MEFV: variants seen among roughly 807,000 people sequenced by gnomAD.
MEFV encodes the protein pyrin.
Under a neutral mutation model 62.5 loss-of-function variants are expected in MEFV, and 60 were observed. That is an observed-to-expected ratio of 0.96 (90% CI 0.78 to 1.19). The LOEUF is 1.19. Ranked by LOEUF, MEFV falls within the 50% of genes most tolerant of loss-of-function variation. The probability of loss-of-function intolerance (pLI) is 0.00; values close to 1 mark genes in which losing one functional copy is unlikely to be tolerated. For missense variants in MEFV, 1,169 were observed against 1,004.5 expected (o/e 1.16, Z -2.21); for synonymous variants, 500 against 415.2 (o/e 1.20, Z -2.48).
At chr16:3,250,714 C>G (rs1421121455) in intron 2 of MEFV, among the ~76,000 whole-genome samples, 2 of 151,052 alleles carry the variant, frequency 1.3e-5, no homozygotes, top group Non-Finnish European at 2.9e-5. Flanking sequence ...GCAGACATGC[C>G]ACGAGATACA....
In MEFV at chr16:3,254,260, T is replaced by C. The variant is rs753623518; in HGVS notation, c.808A>G (p.Asn270Asp). 2 of 1,614,274 alleles carry C rather than the reference T, an allele frequency of 1.2e-6. No individual in the cohort carries two copies. The highest frequency in any genetic ancestry group is 1.7e-6 in the Non-Finnish European group (2 of 1,180,052). ...LLTLEEKTAA[N>D]LDSATEPRAR... Reference sequence around the variant, plus strand: ...CGGGGTTCTGTTGCCGAGTCCAGATTCGCAGCTGTCTTTTCCTCTAGAGTC... The same window carrying C: ...CGGGGTTCTGTTGCCGAGTCCAGATCCGCAGCTGTCTTTTCCTCTAGAGTC... Residue 270 changes from asparagine (N) to aspartate (D), a missense_variant, in exon 2 of 10, where the codon AAT (asparagine) becomes GAT (aspartate). Asn to Asp is a conservative substitution (Grantham distance 23). Coordinates refer to ENST00000219596, the MANE Select transcript of MEFV (RefSeq NM_000243.3).
rs776889228 is a variant in MEFV, at chr16:3,249,618, G to C, written c.1073C>G (p.Ser358Cys). The C allele has an allele frequency of 6.2e-7, 1 of 1,614,016 alleles. No homozygotes were observed. The highest frequency in any genetic ancestry group is 8.5e-7 in the Non-Finnish European group (1 of 1,180,004). Reference sequence around the variant, plus strand: ...GCTTCCCGGGCTCTTCCTTTCATGGGAGTCCTGGCACCGGGGGCAGCCAGG... The same window carrying C: ...GCTTCCCGGGCTCTTCCTTTCATGGCAGTCCTGGCACCGGGGGCAGCCAGG... ...RSPGCPRCQD[S>C]HERKSPGSLS... The change falls in exon 3 of 10, where the codon TCC (serine) becomes TGC (cysteine). Residue 358 changes from serine to cysteine, a missense_variant. Coordinates refer to ENST00000219596, the MANE Select transcript of MEFV (RefSeq NM_000243.3).
intron 2 of MEFV, among the ~76,000 whole-genome samples, chr16:3,251,327 C>G (rs767856761): frequency 2.0e-5 from 3 of 152,178 alleles, no homozygotes; most frequent in Non-Finnish European, 4.4e-5. Context: ...CAAGCAGCTT[C>G]TAGAAACTTC....
intron 7 of MEFV, 87 bp downstream of exon 7, chr16:3,244,386 A>G: frequency 1.3e-6 from 2 of 1,598,438 alleles, no homozygotes; most frequent in Non-Finnish European, 1.7e-6. Context: ...GACCAGGGGA[A>G]GAGGAGGGAA....
In MEFV at chr16:3,243,535, C is replaced by T; in HGVS notation, c.1952G>A (p.Gly651Asp). 1 of 1,613,712 alleles carries T rather than the reference C, an allele frequency of 6.2e-7. No individual in the cohort carries two copies. The highest frequency in any genetic ancestry group is 1.1e-5 in the South Asian group (1 of 91,068). ...AACCTCCACCTCCCAGTAACGGCGG[C>T]CAGAGAGGAAACTCGGAGAGCCCAG... ...IVLGSPSFLS[G>D]RRYWEVEVGD... Residue 651 changes from glycine to aspartate, a missense_variant, in exon 10 of 10, where the codon GGC (glycine) becomes GAC (aspartate). Gly to Asp is a moderately conservative substitution (Grantham distance 94, BLOSUM62 -1). Coordinates refer to ENST00000219596, the MANE Select transcript of MEFV (RefSeq NM_000243.3).
In MEFV at chr16:3,249,720, T is replaced by C. The variant is rs753216235; in HGVS notation, c.971A>G (p.Asp324Gly). 1.2e-6 allele frequency: 2 copies of C among 1,614,030 alleles called. No homozygotes were observed. The highest frequency in any genetic ancestry group is 2.2e-5 in the South Asian group (2 of 91,070). Residue 324 changes from aspartate to glycine, a missense_variant, in exon 3 of 10, where the codon GAC (aspartate) becomes GGC (glycine). By Grantham distance (94) the Asp-to-Gly change is moderately conservative. Coordinates refer to ENST00000219596, the MANE Select transcript of MEFV (RefSeq NM_000243.3). ...RCHAQEGDPV[D>G]GTCVRDSCSF... ...GCAGGAATCACGCACACAGGTACCG[T>C]CAACTGGGTCTCCTTCCTGGGCGTG...
intron 6 of MEFV, among the ~76,000 whole-genome samples, chr16:3,245,706 C>G (rs144543475): frequency 2.2e-4 from 34 of 152,066 alleles, no homozygotes; most frequent in Admixed American, 8.5e-4. Flanking sequence ...GAAACTGGAG[C>G]CCCTGTGTGC....
Position 3,242,240 on chromosome 16 carries a change from T to C in MEFV, c.*901A>G, listed in dbSNP as rs1958864089. On this transcript the variant is annotated 3_prime_UTR_variant, in exon 10 of 10. Transcript: ENST00000219596. ...TTAGCCGGGCATGGTGGCGGGCGCC[T>C]GTAATCCCAGCTACTTCGGAGGCTG... The C allele has an allele frequency of 9.1e-6, 2 of 218,862 alleles. No homozygotes were observed. Among genetic ancestry groups the C allele is most frequent in the South Asian group, 3.9e-5 (1 of 25,552 alleles). 13.6% of individuals were successfully genotyped at this position (218,862 alleles called of 1,614,324 possible).
At position 3,243,126 on chromosome 16, in the gene MEFV, T is replaced by C; in HGVS notation, c.*15A>G. On this transcript the variant is annotated 3_prime_UTR_variant, in exon 10 of 10. Transcript: ENST00000219596. The stretch of plus-strand genomic sequence containing the variant: ...ACAAGGCCAGAAGCAGGAAGAGAGA[T>C]GCAGTGTTGGGCATTCAGTCAGGCC... The C allele has an allele frequency of 1.2e-6, 2 of 1,612,158 alleles. No individual in the cohort carries two copies. The highest frequency in any genetic ancestry group is 2.2e-5 in the East Asian group (1 of 44,882).
At chr16:3,249,839 G>A in intron 2 of MEFV, 59 bp from the exon 3 acceptor site, 2 of 1,379,538 alleles carry the variant, frequency 1.4e-6, no homozygotes, top group South Asian at 2.4e-5. Flanking sequence ...TTACACAGAG[G>A]TATCACAAAG....
At chr16:3,255,414 A>G (rs1024039403) in intron 1 of MEFV, among the ~76,000 whole-genome samples, 3 of 151,592 alleles carry the variant, frequency 2.0e-5, no homozygotes, top group African/African-American at 7.3e-5. Flanking sequence ...TCTCTCTCTT[A>G]TTTTATTTTT....
At position 3,250,005 on chromosome 16, in the gene MEFV, G is replaced by A. The variant is rs369908929; in HGVS notation, c.911-225C>T. ...CAGACCTCAGACATTCCTGAGCCTT[G>A]GAATTCTTGGGCATTTATCCTAAAG... On this transcript the variant is annotated intron_variant, in intron 2 of 9. Transcript: ENST00000219596. Among the ~76,000 whole-genome samples the A allele has an allele frequency of 5.9e-5, 9 of 152,338 alleles. No homozygotes were observed. In the East Asian group the frequency reaches 7.7e-4, roughly 13 times the overall value.
intron 6 of MEFV, 166 bp downstream of exon 6, chr16:3,246,359 C>G (rs1209071815): frequency 1.3e-6 from 1 of 747,564 alleles, no homozygotes; most frequent in Admixed American, 2.3e-5. Flanking sequence ...ATGCCCTTCT[C>G]CCTATCAAAT....
chr16:3,246,980 A>T, intron 5 of MEFV, 36 bp downstream of exon 5: 1 of 1,594,698 alleles, frequency 6.3e-7, no homozygotes, highest in Non-Finnish European at 8.6e-7. Context: ...TGATAGGCAC[A>T]GGGGACCCAA....
intron 6 of MEFV, among the ~76,000 whole-genome samples, chr16:3,245,784 A>G (rs1305589471): frequency 6.6e-6 from 1 of 152,194 alleles, no homozygotes; most frequent in Admixed American, 6.5e-5. Context: ...AAAAAAAATT[A>G]AACACAGGAT....
At position 3,243,543 on chromosome 16, in the gene MEFV, G is replaced by A. The variant is rs781411214; in HGVS notation, c.1944C>T (p.Phe648=). 8 of 1,613,652 alleles carry A rather than the reference G, an allele frequency of 5.0e-6. No homozygotes were observed. The Admixed American group carries it at 1.3e-4, about 27-fold the overall frequency. The change falls in exon 10 of 10, where the codon TTC becomes TTT. Residue 648 remains phenylalanine, a synonymous_variant. Coordinates refer to ENST00000219596, the MANE Select transcript of MEFV (RefSeq NM_000243.3). ...CCTCCCAGTAACGGCGGCCAGAGAG[G>A]AAACTCGGAGAGCCCAGAACAATGA... is the stretch of plus-strand genomic sequence containing the variant. ...SCIIVLGSPS[F]LSGRRYWEVE... is the part of the protein sequence containing the mutation.
Position 3,254,438 on chromosome 16 carries a change from C to G in MEFV, c.630G>C (p.Ala210=), listed in dbSNP as rs770830323. Residue 210 remains alanine (A), a synonymous_variant, in exon 2 of 10, where the codon GCG becomes GCC. Coordinates refer to ENST00000219596, the MANE Select transcript of MEFV (RefSeq NM_000243.3). ...CCCCCGCCAGCCCCTGCAGCCTCCC[C>G]GCGGAGCTGGCGTTTCTGCGCAGCC... ...EVRLRRNASS[A]GRLQGLAGGA... is the part of the protein sequence containing the mutation. 7 of 1,610,900 alleles carry G rather than the reference C, an allele frequency of 4.3e-6. No homozygotes were observed. The highest frequency in any genetic ancestry group is 5.9e-6 in the Non-Finnish European group (7 of 1,178,656).
intron 8 of MEFV, 147 bp from the exon 9 acceptor site, chr16:3,244,039 G>C: frequency 6.4e-7 from 1 of 1,552,612 alleles, no homozygotes; most frequent in South Asian, 1.2e-5. Flanking sequence ...GTTCCTCCCA[G>C]GAACCCAGGC....
rs920061805 is a variant in MEFV, at chr16:3,243,689, C to T, written c.1798G>A (p.Val600Met). The change falls in exon 10 of 10, where the codon GTG (valine) becomes ATG (methionine). Residue 600 changes from valine to methionine, a missense_variant. By Grantham distance (21) the Val-to-Met change is conservative (BLOSUM62 1). Coordinates refer to ENST00000219596, the MANE Select transcript of MEFV (RefSeq NM_000243.3). ...LIGAQAHAVN[V>M]ILDAETAYPN... Reference sequence around the variant, plus strand: ...TAAGCGGTTTCTGCATCCAGAATCACATTAACTGCAAAGAAAATTTGAATA... The same window carrying T: ...TAAGCGGTTTCTGCATCCAGAATCATATTAACTGCAAAGAAAATTTGAATA... 6.2e-7 allele frequency: 1 copy of T among 1,610,384 alleles called. No homozygotes were observed. The highest frequency in any genetic ancestry group is 1.3e-5 in the African/African-American group (1 of 74,826).
Sources: allele counts gnomAD v4.1 joint callset (sites outside exome capture counted in the v4.1 genomes callset), GRCh38; gene constraint gnomAD v4.1.1; transcripts MANE v1.5; gene names NCBI Gene and HGNC (gene_info 2026-07-23, HGNC 2026-07-21).